ADAMTS17: variants seen among roughly 807,000 people sequenced by gnomAD.
The protein encoded by ADAMTS17 is A disintegrin and metalloproteinase with thrombospondin motifs 17.
ADAMTS17 carries 113 observed loss-of-function variants against 141.5 expected under a neutral mutation model. The observed-to-expected ratio is 0.80, with a 90% CI of 0.69 to 0.93. ADAMTS17 has a LOEUF of 0.93. Ranked by LOEUF, ADAMTS17 falls within the 40% of genes least tolerant of loss-of-function variation. ADAMTS17 has a pLI of 0.00. For missense variants in ADAMTS17, 1,659 were observed against 1,517.9 expected (o/e 1.09, Z -1.54); for synonymous variants, 768 against 630.6 (o/e 1.22, Z -3.27).
In ADAMTS17 at chr15:99,974,185, T is replaced by C; in HGVS notation, c.*217A>G. On this transcript the variant is annotated 3_prime_UTR_variant, in exon 22 of 22. Coordinates refer to ENST00000268070, the MANE Select transcript of ADAMTS17 (RefSeq NM_139057.4). ...GAAATTGAAGTTACTTTGTGACTCA[T>C]GCCTACTTTCTCCTCACTGTAGAAA... 4.9e-6 allele frequency: 3 copies of C among 607,388 alleles called. No individual in the cohort carries two copies. The highest frequency in any genetic ancestry group is 8.7e-6 in the Non-Finnish European group (3 of 345,304). 37.6% of individuals were successfully genotyped at this position (607,388 alleles called of 1,614,324 possible). A position where few individuals can be genotyped will look rare whatever the true frequency, so the allele number is the denominator to read the frequency against.
intron 14 of ADAMTS17, among the ~76,000 whole-genome samples, chr15:100,103,266 C>T (rs1373638814): frequency 6.6e-6 from 1 of 152,230 alleles, no homozygotes; most frequent in Non-Finnish European, 1.5e-5. Flanking sequence ...GAGATGCCAG[C>T]TGCAGGGTCA....
At chr15:100,000,407 A>G (rs1226652625) in intron 18 of ADAMTS17, among the ~76,000 whole-genome samples, 2 of 152,078 alleles carry the variant, frequency 1.3e-5, no homozygotes, top group African/African-American at 4.8e-5. Flanking sequence ...CTACTCAGTC[A>G]CGACTTTTCT....
chr15:100,160,766 C>G (rs112118999), intron 8 of ADAMTS17, among the ~76,000 whole-genome samples: 5 of 152,294 alleles, frequency 3.3e-5, no homozygotes, highest in African/African-American at 1.2e-4. Flanking sequence ...TGGAGTTTGT[C>G]TCTAATATAG....
In ADAMTS17 at chr15:100,215,957, T is replaced by C. The variant is rs560385652; in HGVS notation, c.1076-16534A>G. Among the ~76,000 whole-genome samples, 229 of 152,258 alleles carry C rather than the reference T, an allele frequency of 1.5e-3. 1 individual carries two copies. Among genetic ancestry groups the C allele is most frequent in the African/African-American group, 5.3e-3 (220 of 41,562 alleles). Reference sequence around the variant, plus strand: ...GACTCGGGAGTCCCTGTTCCTAACATATCCTCAGCTCCCTTGGCCATTCTT... The same window carrying C: ...GACTCGGGAGTCCCTGTTCCTAACACATCCTCAGCTCCCTTGGCCATTCTT... On this transcript the variant is annotated intron_variant, in intron 7 of 21. Transcript: ENST00000268070.
intron 8 of ADAMTS17, among the ~76,000 whole-genome samples, chr15:100,176,166 G>C (rs142061067): frequency 6.6e-6 from 1 of 152,194 alleles, no homozygotes; most frequent in Non-Finnish European, 1.5e-5. Flanking sequence ...GAGGCCTAAC[G>C]ACAGCAGTGA....
chr15:100,155,089 C>T, intron 9 of ADAMTS17, 91 bp downstream of exon 9: 6 of 1,590,584 alleles, frequency 3.8e-6, no homozygotes, highest in Non-Finnish European at 5.2e-6. Context: ...AGAGTCATTT[C>T]TCCACTTCAC....
At chr15:100,270,148 ACTCTGGAGCCATTTCTTCTGTGG>A (rs1567462338) in intron 4 of ADAMTS17, among the ~76,000 whole-genome samples, 5 of 119,804 alleles carry the variant, frequency 4.2e-5, no homozygotes, top group Admixed American at 2.4e-4. Context: ...TTCTTCTGTG[ACTCTGGAGCCATTTCTTCTGTGG>A]CTCTGGAGCC....
intron 2 of ADAMTS17, among the ~76,000 whole-genome samples, chr15:100,336,162 G>A: frequency 6.6e-6 from 1 of 152,232 alleles, no homozygotes; most frequent in East Asian, 1.9e-4. Flanking sequence ...AATCTAACGT[G>A]TGTCCTAGAC....
chr15:100,245,759 G>C (rs770222477), intron 7 of ADAMTS17, among the ~76,000 whole-genome samples: 1 of 152,146 alleles, frequency 6.6e-6, no homozygotes, highest in African/African-American at 2.4e-5. Context: ...TCTAACAAGC[G>C]CTGGTAGAGA....
chr15:100,015,408 CTTTTT>C (rs1388341399), intron 18 of ADAMTS17, among the ~76,000 whole-genome samples: 2 of 150,352 alleles, frequency 1.3e-5, no homozygotes, highest in South Asian at 2.1e-4. Flanking sequence ...GTGTACCTTG[CTTTTT>C]TTTGTTTTTC....
intron 2 of ADAMTS17, among the ~76,000 whole-genome samples, chr15:100,340,651 G>C (rs1027094787): frequency 3.3e-5 from 5 of 152,136 alleles, no homozygotes; most frequent in African/African-American, 1.2e-4. Flanking sequence ...AGGTACTCCC[G>C]TGACATACAC....
intron 4 of ADAMTS17, among the ~76,000 whole-genome samples, chr15:100,271,225 T>C (rs181117525): frequency 1.0e-3 from 157 of 152,350 alleles, no homozygotes; most frequent in African/African-American, 3.6e-3. Flanking sequence ...TAAATATCTG[T>C]TCTTGTCCCT....
chr15:100,083,532 T>C (rs1439803951), intron 15 of ADAMTS17, among the ~76,000 whole-genome samples: 1 of 152,074 alleles, frequency 6.6e-6, no homozygotes, highest in Non-Finnish European at 1.5e-5. Context: ...TGTTCAATCA[T>C]CCAGAAAGAA....
intron 4 of ADAMTS17, among the ~76,000 whole-genome samples, chr15:100,277,688 C>G (rs528833487): frequency 3.3e-5 from 5 of 152,190 alleles, no homozygotes; most frequent in Non-Finnish European, 7.3e-5. Flanking sequence ...ACACGAGGAA[C>G]ACGGAACTAT....
At chr15:100,080,903 T>C (rs1007156986) in intron 15 of ADAMTS17, among the ~76,000 whole-genome samples, 4 of 152,182 alleles carry the variant, frequency 2.6e-5, no homozygotes, top group Non-Finnish European at 5.9e-5. Flanking sequence ...CTTATTATTG[T>C]CTTTATTTGA....
intron 7 of ADAMTS17, among the ~76,000 whole-genome samples, chr15:100,207,667 G>T (rs1330864806): frequency 2.0e-5 from 3 of 152,160 alleles, no homozygotes; most frequent in Non-Finnish European, 4.4e-5. Flanking sequence ...GTGGAGTGGG[G>T]GTGTTCTGTA....
intron 15 of ADAMTS17, among the ~76,000 whole-genome samples, chr15:100,057,836 G>T (rs571974574): frequency 3.3e-5 from 5 of 152,122 alleles, no homozygotes; most frequent in African/African-American, 4.8e-5. Context: ...AGGAGTGCCA[G>T]TGCGGAGAGA....
intron 14 of ADAMTS17, among the ~76,000 whole-genome samples, chr15:100,105,917 C>G (rs1264230477): frequency 6.6e-6 from 1 of 152,198 alleles, no homozygotes; most frequent in Non-Finnish European, 1.5e-5. Context: ...CCTGGAACTC[C>G]TGACCTCCAG....
At chr15:100,157,987 C>G (rs1045016288) in intron 8 of ADAMTS17, among the ~76,000 whole-genome samples, 4 of 151,856 alleles carry the variant, frequency 2.6e-5, no homozygotes, top group African/African-American at 9.7e-5. Flanking sequence ...CTCCCGCGTT[C>G]AAGCTATTCT....
Sources: gnomAD v4.1 joint callset for allele counts (sites outside exome capture counted in the v4.1 genomes callset) on GRCh38, gnomAD v4.1.1 for gene constraint, MANE v1.5 for transcripts, NCBI Gene and HGNC (gene_info 2026-07-23, HGNC 2026-07-21) for gene names.